Variants in NID2 observed in about 807,000 individuals in gnomAD.
The protein encoded by NID2 is nidogen 2.
NID2 carries 83 observed loss-of-function variants against 145.4 expected under a neutral mutation model. The ratio of observed to expected loss-of-function variants is 0.57; its 90% CI spans 0.48 to 0.69. The LOEUF (loss-of-function observed/expected upper bound fraction) is 0.69. Ranked by LOEUF, NID2 falls within the 30% of genes least tolerant of loss-of-function variation. NID2 has a pLI of 0.00. For missense variants in NID2, 1,807 were observed against 1,765.7 expected (o/e 1.02, Z -0.42); for synonymous variants, 739 against 701.3 (o/e 1.05, Z -0.85).
intron 5 of NID2, among the ~76,000 whole-genome samples, chr14:52,048,143 G>A (rs1264058452): frequency 1.3e-5 from 2 of 152,172 alleles, no homozygotes; most frequent in Non-Finnish European, 1.5e-5. Context: ...CTCCTGGGGT[G>A]GGCAGAATGT....
intron 8 of NID2, 141 bp downstream of exon 8, chr14:52,040,510 A>G: frequency 1.4e-6 from 1 of 695,100 alleles, no homozygotes; most frequent in Non-Finnish European, 2.5e-6. Context: ...GGTAACAATA[A>G]GAGTAATAAC....
At chr14:52,041,903 C>T (rs919966402) in intron 7 of NID2, among the ~76,000 whole-genome samples, 3 of 152,188 alleles carry the variant, frequency 2.0e-5, no homozygotes, top group Non-Finnish European at 4.4e-5. Flanking sequence ...AACATTTAGA[C>T]GAAATCACTG....
At chr14:52,012,015 T>C (rs1891048722) in intron 16 of NID2, 1 of 202,478 alleles carries the variant, frequency 4.9e-6, no homozygotes, top group East Asian at 1.1e-4. Context: ...AGTAAGCCCT[T>C]CAATAGGTGC....
chr14:52,046,173 A>G (rs1892484158), intron 5 of NID2, among the ~76,000 whole-genome samples: 1 of 151,946 alleles, frequency 6.6e-6, no homozygotes, highest in Non-Finnish European at 1.5e-5. Flanking sequence ...AATACAAAAA[A>G]TTAGCCAGGC....
intron 5 of NID2, among the ~76,000 whole-genome samples, chr14:52,044,478 G>T (rs1892411284): frequency 6.6e-6 from 1 of 152,022 alleles, no homozygotes; most frequent in Admixed American, 6.6e-5. Flanking sequence ...CACCATGTTA[G>T]CCAGGATGGT....
At chr14:52,042,023 G>A (rs1299596263) in intron 7 of NID2, 82 bp downstream of exon 7, 15 of 1,475,704 alleles carry the variant, frequency 1.0e-5, no homozygotes, top group Middle Eastern at 2.3e-4. Flanking sequence ...CTGTCACTGC[G>A]TAAAGGCCTA....
intron 5 of NID2, among the ~76,000 whole-genome samples, chr14:52,046,657 T>G (rs1892507892): frequency 6.6e-6 from 1 of 152,236 alleles, no homozygotes; most frequent in Non-Finnish European, 1.5e-5. Flanking sequence ...GAAGCTGTAC[T>G]ACATTTTTCT....
At position 52,011,900 on chromosome 14, in the gene NID2, G is replaced by C. The variant is rs1595001811; in HGVS notation, c.3421-217C>G. 1.7e-5 allele frequency: 9 copies of C among 522,774 alleles called. 1 individual carries two copies. The Middle Eastern group carries it at 2.6e-3, about 154-fold the overall frequency. 32.4% of individuals were successfully genotyped at this position (522,774 alleles called of 1,614,324 possible). A position where few individuals can be genotyped will look rare whatever the true frequency, so the allele number is the denominator to read the frequency against. On this transcript the variant is annotated intron_variant, in intron 16 of 21. Coordinates refer to ENST00000216286, the MANE Select transcript of NID2 (RefSeq NM_007361.4). ...TTGGGCATTTAACCTCTATGCGTTT[G>C]TCTCATTTGCAAAATGAGGCCAATA...
Position 52,019,082 on chromosome 14 carries a change from G to A in NID2, c.3007C>T (p.Pro1003Ser). The A allele has an allele frequency of 1.2e-6, 2 of 1,614,006 alleles. No individual in the cohort carries two copies. The highest frequency in any genetic ancestry group is 2.2e-5 in the South Asian group (2 of 91,060). ...TCACCTGGTGATGGTCCACAGTGAGGCGGGGTGGAGCCAGGTGGAGTCTGG... is the reference window on the plus strand; with the variant it reads ...TCACCTGGTGATGGTCCACAGTGAGACGGGGTGGAGCCAGGTGGAGTCTGG... ...GTQTPPGSTPPHCGPSPEPTQ... is the reference protein window; with the variant it reads ...GTQTPPGSTPSHCGPSPEPTQ... The change falls in exon 14 of 22, where the codon CCT becomes TCT. Residue 1003 changes from proline to serine, a missense_variant. Coordinates refer to ENST00000216286, the MANE Select transcript of NID2 (RefSeq NM_007361.4).
Position 52,027,227 on chromosome 14 carries a change from T to G in NID2, c.2648A>C (p.Tyr883Ser). The G allele has an allele frequency of 1.3e-6, 2 of 1,569,256 alleles. No homozygotes were observed. Among genetic ancestry groups the G allele is most frequent in the Non-Finnish European group, 8.6e-7 (1 of 1,158,842 alleles). The change falls in exon 12 of 22, where the codon TAT becomes TCT. Residue 883 changes from tyrosine (Y) to serine (S), a missense_variant. By Grantham distance (144) the Tyr-to-Ser change is moderately radical (BLOSUM62 -2). Coordinates refer to ENST00000216286, the MANE Select transcript of NID2 (RefSeq NM_007361.4). Reference sequence around the variant, plus strand: ...AGTGCACTGGTGCCCATCGCCGGCATAACCAGGCAGGCAGGCACAGCTGAA... The same window carrying G: ...AGTGCACTGGTGCCCATCGCCGGCAGAACCAGGCAGGCAGGCACAGCTGAA... ...STFSCACLPG[Y>S]AGDGHQCTDV...
chr14:52,066,958 A>G (rs188206543), intron 2 of NID2, among the ~76,000 whole-genome samples: 1 of 152,288 alleles, frequency 6.6e-6, no homozygotes, highest in Non-Finnish European at 1.5e-5. Flanking sequence ...GCAGGTAGAG[A>G]CTGTAAAGCA....
At chr14:52,065,751 A>G (rs12891627) in intron 2 of NID2, among the ~76,000 whole-genome samples, 31,143 of 100,424 alleles carry the variant, frequency 0.31, 5,901 homozygotes, top group African/African-American at 0.58. Context: ...GAGAATATGC[A>G]GTGTTTGGTT....
chr14:52,047,787 G>A (rs112590828), intron 5 of NID2, among the ~76,000 whole-genome samples: 3,866 of 152,218 alleles, frequency 0.025, 65 homozygotes, highest in Non-Finnish European at 0.035. Flanking sequence ...ACAACAGCAT[G>A]AGGCATCAAG....
At chr14:52,006,775 ACAGT>A in intron 19 of NID2, 115 bp from the exon 20 acceptor site, 1 of 1,148,902 alleles carries the variant, frequency 8.7e-7, no homozygotes, top group Non-Finnish European at 1.3e-6. Flanking sequence ...TACTTCCATT[ACAGT>A]CATAGATTAG....
chr14:52,013,929 G>T (rs563027176), intron 16 of NID2, among the ~76,000 whole-genome samples: 8 of 152,218 alleles, frequency 5.3e-5, no homozygotes, highest in Non-Finnish European at 1.0e-4. Flanking sequence ...TGATTTCCAG[G>T]ATTTCCATGG....
At chr14:52,056,711 G>A (rs1299685834) in intron 3 of NID2, among the ~76,000 whole-genome samples, 1 of 152,142 alleles carries the variant, frequency 6.6e-6, no homozygotes, top group East Asian at 1.9e-4. Flanking sequence ...AGAAAAGCTT[G>A]AACCCAGGAG....
Position 52,060,248 on chromosome 14 carries a change from AAG to A in NID2, c.641_642del (p.Ser214LeufsTer19). 6.2e-7 allele frequency: 1 copy of A among 1,614,030 alleles called. No individual in the cohort carries two copies. On this transcript the variant is annotated frameshift_variant, in exon 3 of 22. Coordinates refer to ENST00000216286, the MANE Select transcript of NID2 (RefSeq NM_007361.4). LOFTEE classifies it high-confidence loss of function. The part of the protein sequence containing the change: ...LQFLGTRPKE[S>X]YNVQLQLPAR... ...GCTGGAAGCTGAAGCTGGACATTGT[AAG>A]ACTCTTTGGGGCGGGTTCCAAGGAA...
chr14:52,045,559 A>T (rs2645742), intron 5 of NID2, among the ~76,000 whole-genome samples: 24 of 41,734 alleles, frequency 5.8e-4, no homozygotes, highest in South Asian at 2.4e-3. Context: ...GGCAGAAAAA[A>T]AAAAAAAAAA....
At chr14:52,010,079 A>G (rs1890951876) in intron 18 of NID2, 1 of 152,228 alleles carries the variant, frequency 6.6e-6, no homozygotes, top group Non-Finnish European at 1.5e-5. Flanking sequence ...AGGGCTATTA[A>G]TTCCTGTTAA....
Sources: gnomAD v4.1 joint callset for allele counts (sites outside exome capture counted in the v4.1 genomes callset) on GRCh38, gnomAD v4.1.1 for gene constraint, MANE v1.5 for transcripts, NCBI Gene and HGNC (gene_info 2026-07-23, HGNC 2026-07-21) for gene names.